Variants in CDKAL1 observed in about 807,000 individuals in gnomAD.
CDKAL1 encodes the protein threonylcarbamoyladenosine tRNA methylthiotransferase.
CDKAL1 carries 32 observed loss-of-function variants against 68.2 expected under a neutral mutation model. The observed-to-expected ratio is 0.47, with a 90% CI of 0.35 to 0.63. CDKAL1 has a LOEUF of 0.63. Ranked by LOEUF, CDKAL1 falls within the 30% of genes least tolerant of loss-of-function variation. CDKAL1 has a pLI of 0.00. For synonymous variants in CDKAL1, 234 were observed against 244.3 expected (o/e 0.96, Z 0.39); for missense variants, 606 against 696.7 (o/e 0.87, Z 1.47).
At position 20,796,554 on chromosome 6, in the gene CDKAL1, T is replaced by C. The variant is rs561232371; in HGVS notation, c.638+15289T>C. On this transcript the variant is annotated intron_variant, in intron 8 of 15. Transcript: ENST00000274695. ...AAACAGTTTTGAATAAGAATAAGGT[T>C]GGAGGAATCACACCATCCTAGTTTA... Among the ~76,000 whole-genome samples the C allele has an allele frequency of 1.5e-4, 23 of 152,232 alleles. No homozygotes were observed. In the East Asian group the frequency reaches 4.2e-3, roughly 28 times the overall value.
At chr6:21,091,012 G>A (rs1772982354) in intron 12 of CDKAL1, among the ~76,000 whole-genome samples, 1 of 151,986 alleles carries the variant, frequency 6.6e-6, no homozygotes, top group East Asian at 1.9e-4. Context: ...GCCCCAGCTG[G>A]TCTTAAACTC....
intron 4 of CDKAL1, among the ~76,000 whole-genome samples, chr6:20,568,607 C>G (rs375865671): frequency 6.6e-6 from 1 of 151,626 alleles, no homozygotes; most frequent in African/African-American, 2.4e-5. Context: ...TGGTGGCGGG[C>G]GCCTGTAGTC....
intron 9 of CDKAL1, among the ~76,000 whole-genome samples, chr6:20,955,083 T>A (rs141962316): frequency 2.6e-5 from 4 of 152,220 alleles, no homozygotes; most frequent in African/African-American, 9.6e-5. Context: ...GGGCTTAGAG[T>A]GTTCAATAAA....
chr6:20,833,946 T>G (rs960310217), intron 8 of CDKAL1, among the ~76,000 whole-genome samples: 1 of 152,096 alleles, frequency 6.6e-6, no homozygotes, highest in African/African-American at 2.4e-5. Context: ...GAACGGCAAA[T>G]TTTTGGGTGT....
intron 9 of CDKAL1, among the ~76,000 whole-genome samples, chr6:20,955,137 A>G (rs1421914729): frequency 1.3e-5 from 2 of 152,186 alleles, no homozygotes; most frequent in African/African-American, 4.8e-5. Context: ...GTCTTGATCA[A>G]AGTGCTTTGG....
intron 5 of CDKAL1, among the ~76,000 whole-genome samples, chr6:20,725,957 T>TGA (rs1772633709): frequency 6.6e-6 from 1 of 152,144 alleles, no homozygotes; most frequent in Non-Finnish European, 1.5e-5. Context: ...CTTTTCAACC[T>TGA]GACTCTGGCA....
At chr6:21,011,080 TC>T (rs1049707301) in intron 11 of CDKAL1, among the ~76,000 whole-genome samples, 1 of 114,144 alleles carries the variant, frequency 8.8e-6, no homozygotes, top group Non-Finnish European at 1.8e-5. Context: ...AGTCTCCATC[TC>T]AAAAAAAAAA....
chr6:20,544,890 G>A (rs527394403), intron 2 of CDKAL1, among the ~76,000 whole-genome samples: 1 of 152,134 alleles, frequency 6.6e-6, no homozygotes, highest in South Asian at 2.1e-4. Flanking sequence ...GTGTGTTGGG[G>A]TGCTTGATTG....
At chr6:20,683,477 A>G (rs1407945011) in intron 5 of CDKAL1, among the ~76,000 whole-genome samples, 2 of 152,220 alleles carry the variant, frequency 1.3e-5, no homozygotes, top group South Asian at 2.1e-4. Flanking sequence ...TTACTTATTG[A>G]TAGTGTCTTA....
intron 13 of CDKAL1, among the ~76,000 whole-genome samples, chr6:21,161,301 T>C (rs577159955): frequency 6.6e-6 from 1 of 152,328 alleles, no homozygotes; most frequent in Non-Finnish European, 1.5e-5. Context: ...GCTGTATTTT[T>C]CAATACAGCA....
intron 11 of CDKAL1, among the ~76,000 whole-genome samples, chr6:21,054,867 AG>A (rs1389249431): frequency 6.6e-6 from 1 of 151,862 alleles, no homozygotes; most frequent in Non-Finnish European, 1.5e-5. Context: ...TAGATTCTTT[AG>A]ATTTTCTACA....
intron 9 of CDKAL1, among the ~76,000 whole-genome samples, chr6:20,912,354 ACT>A (rs931075040): frequency 2.0e-5 from 3 of 151,650 alleles, no homozygotes; most frequent in Non-Finnish European, 4.4e-5. Context: ...AGGAGCCAAG[ACT>A]CTCTTGAAAT....
At chr6:20,669,602 G>A (rs932817579) in intron 5 of CDKAL1, among the ~76,000 whole-genome samples, 3 of 152,052 alleles carry the variant, frequency 2.0e-5, no homozygotes, top group South Asian at 2.1e-4. Flanking sequence ...TTCCCTCCGC[G>A]CATCTTAACC....
intron 5 of CDKAL1, among the ~76,000 whole-genome samples, chr6:20,693,198 GCTCT>G (rs555482013): frequency 1.3e-3 from 196 of 149,558 alleles, no homozygotes; most frequent in Middle Eastern, 7.0e-3. Context: ...CAGGATCTCA[GCTCT>G]CTCTGTGGTG....
chr6:20,956,617 ACCACTGCTGCT>A (rs1188838528), intron 10 of CDKAL1, among the ~76,000 whole-genome samples: 1 of 152,202 alleles, frequency 6.6e-6, no homozygotes, highest in Non-Finnish European at 1.5e-5. Flanking sequence ...GCTAAAAGCA[ACCACTGCTGCT>A]GAAATTTAAT....
intron 5 of CDKAL1, among the ~76,000 whole-genome samples, chr6:20,692,129 T>C (rs1025184214): frequency 6.6e-6 from 1 of 152,214 alleles, no homozygotes; most frequent in Admixed American, 6.5e-5. Flanking sequence ...TATCTACCAA[T>C]TGGAGTGTTT....
At chr6:21,036,677 A>G (rs1769616154) in intron 11 of CDKAL1, among the ~76,000 whole-genome samples, 2 of 152,298 alleles carry the variant, frequency 1.3e-5, no homozygotes, top group South Asian at 4.1e-4. Flanking sequence ...ATTCCACTTC[A>G]GGTTGTGATG....
chr6:21,099,543 G>A (rs1223832166), intron 12 of CDKAL1, among the ~76,000 whole-genome samples: 3 of 152,186 alleles, frequency 2.0e-5, no homozygotes, highest in Admixed American at 6.5e-5. Context: ...TTTCGAGGGT[G>A]AAGATTGGAC....
rs527374607 is a variant in CDKAL1 at position 20,983,221 on chromosome 6, G to A, written c.910-17006G>A. Among the ~76,000 whole-genome samples, 9 of 152,236 alleles carry A rather than the reference G, an allele frequency of 5.9e-5. No homozygotes were observed. The East Asian group carries it at 1.7e-3, about 29-fold the overall frequency. ...TACTTAAAATCCATATTGATCAGTA[G>A]CAAAAGACTGCAAAGATCCCATTAA... On this transcript the variant is annotated intron_variant, in intron 10 of 15. Coordinates refer to ENST00000274695, the MANE Select transcript of CDKAL1 (RefSeq NM_017774.3).
Sources: allele counts gnomAD v4.1 joint callset (sites outside exome capture counted in the v4.1 genomes callset), GRCh38; gene constraint gnomAD v4.1.1; transcripts MANE v1.5; gene names NCBI Gene and HGNC (gene_info 2026-07-23, HGNC 2026-07-21).